MUC5B: variants seen among roughly 807,000 people sequenced by gnomAD.
MUC5B encodes the protein mucin-5B.
A neutral mutation model predicts 376.9 loss-of-function variants in MUC5B; 116 were observed. The ratio of observed to expected loss-of-function variants is 0.31; its 90% CI spans 0.26 to 0.36. The LOEUF is 0.36. MUC5B is among the 10% of genes least tolerant of loss of function. The pLI is 1.00. For synonymous variants in MUC5B, 3,517 were observed against 3,390.9 expected, an observed-to-expected ratio of 1.04 and a Z score of -1.29; for missense variants, 7,165 against 7,769.9, an observed-to-expected ratio of 0.92 and a Z score of 2.93.
In MUC5B at chr11:1,252,341, A is replaced by G. The variant is rs1590189784; in HGVS notation, c.14864-2A>G. The G allele has an allele frequency of 6.5e-7, 1 of 1,544,646 alleles. No homozygotes were observed. The highest frequency in any genetic ancestry group is 8.7e-7 in the Non-Finnish European group (1 of 1,144,082). ...ATCTTTCTATGGTGTTGTTCTTCACAGGGGAAGTCATCTACAATAAGACCG... is the reference window on the plus strand; with the variant it reads ...ATCTTTCTATGGTGTTGTTCTTCACGGGGGAAGTCATCTACAATAAGACCG... On this transcript the variant is annotated splice_acceptor_variant, in intron 31 of 48. Transcript: ENST00000529681. LOFTEE classifies it high-confidence loss of function.
intron 9 of MUC5B, 86 bp from the exon 10 acceptor site, chr11:1,229,604 G>A: frequency 8.3e-7 from 1 of 1,206,062 alleles, no homozygotes; most frequent in Non-Finnish European, 1.2e-6. Context: ...CTCCCCAAGG[G>A]AGGCAGCTTG....
At position 1,241,110 on chromosome 11, in the gene MUC5B, C is replaced by T; in HGVS notation, c.4230C>T (p.Ser1410=). 2 of 1,612,108 alleles carry T rather than the reference C, an allele frequency of 1.2e-6. No individual in the cohort carries two copies. The highest frequency in any genetic ancestry group is 1.7e-6 in the Non-Finnish European group (2 of 1,179,230). The stretch of plus-strand genomic sequence containing the variant: ...TGCGGGGGCTGATGTGCGCCAACAG[C>T]CAACAGAGTCCCCCGCTCTGTCACG... ...DRMRGLMCAN[S]QQSPPLCHDY... is the part of the protein sequence containing the mutation. The change falls in exon 31 of 49, where the codon AGC becomes AGT. Residue 1410 remains serine (S), a synonymous_variant. Coordinates refer to ENST00000529681, the MANE Select transcript of MUC5B (RefSeq NM_002458.3).
rs927073939 is a variant in MUC5B at position 1,251,105 on chromosome 11, C to T, written c.14225C>T (p.Ala4742Val). The T allele has an allele frequency of 9.3e-6, 15 of 1,611,272 alleles. No homozygotes were observed. Among genetic ancestry groups the T allele is most frequent in the African/African-American group, 1.3e-5 (1 of 74,708 alleles). The change falls in exon 31 of 49, where the codon GCC becomes GTC. Residue 4742 changes from alanine to valine, a missense_variant. By Grantham distance (64) the Ala-to-Val change is moderately conservative. Around this residue, in one of 31 missense-constraint regions of MUC5B, gnomAD observed 730 missense variants for 592.7 expected, o/e 1.23. Transcript: ENST00000529681. ...ACCCTTCCAGTGCTGACAAGCACAG[C>T]CACAAAATCCACAGCTACCAGCTTT... ...ATTLPVLTST[A>V]TKSTATSFTP...
At chr11:1,256,816 C>G in intron 39 of MUC5B, 45 bp downstream of exon 39, 1 of 1,447,550 alleles carries the variant, frequency 6.9e-7, no homozygotes. Flanking sequence ...GGGCCCGACC[C>G]AAGCACACAC....
In MUC5B at chr11:1,248,038, T is replaced by A. The variant is rs1286060127; in HGVS notation, c.11158T>A (p.Trp3720Arg). Residue 3720 changes from tryptophan to arginine, a missense_variant, in exon 31 of 49, where the codon TGG becomes AGG. Trp to Arg is a moderately radical substitution (Grantham distance 101, BLOSUM62 -3). Transcript: ENST00000529681. ...CCCGTCCTCCACCCCAGGGACCACC[T>A]GGATCCTCACAGAGCCGAGCACTAC... ...ATPSSTPGTT[W>R]ILTEPSTTAT... The A allele has an allele frequency of 1.2e-6, 2 of 1,600,428 alleles. No homozygotes were observed. The highest frequency in any genetic ancestry group is 1.7e-6 in the Non-Finnish European group (2 of 1,174,506).
intron 46 of MUC5B, 102 bp from the exon 47 acceptor site, chr11:1,260,249 C>A: frequency 1.4e-6 from 2 of 1,388,372 alleles, no homozygotes; most frequent in Non-Finnish European, 1.0e-6. Context: ...CGCCCCTGCC[C>A]GGGAGGCCAT....
At position 1,246,381 on chromosome 11, in the gene MUC5B, C is replaced by G. The variant is rs202123454; in HGVS notation, c.9501C>G (p.Pro3167=). ...GGACCACCTGGATCCTCACAGAGCC[C>G]AGCACTACAGCCACCGTGACGGTGC... The part of the protein sequence containing the change: ...TPGTTWILTE[P]STTATVTVPT... The change falls in exon 31 of 49, where the codon CCC becomes CCG. Residue 3167 remains proline (P), a synonymous_variant. Coordinates refer to ENST00000529681, the MANE Select transcript of MUC5B (RefSeq NM_002458.3). 0.012 allele frequency: 18,700 copies of G among 1,563,752 alleles called. No homozygotes were observed. The highest frequency in any genetic ancestry group is 0.011 in the Non-Finnish European group (12,169 of 1,135,390).
At position 1,257,751 on chromosome 11, in the gene MUC5B, G is replaced by C; in HGVS notation, c.16450+41G>C. The C allele has an allele frequency of 6.6e-7, 1 of 1,510,168 alleles. No homozygotes were observed. The highest frequency in any genetic ancestry group is 8.8e-7 in the Non-Finnish European group (1 of 1,131,094). 93.5% of individuals were successfully genotyped at this position (1,510,168 alleles called of 1,614,324 possible). On this transcript the variant is annotated intron_variant, in intron 41 of 48. Coordinates refer to ENST00000529681, the MANE Select transcript of MUC5B (RefSeq NM_002458.3). This position sits in a 1 kb window ranked among gnomAD's most constrained non-coding sequence, Gnocchi z 8.9. ...GCAGAGGTGCCCGGCATAGGGTGAG[G>C]GGGGACAGAGCCGGTGCCCACCAGG... is the stretch of plus-strand genomic sequence containing the variant.
Position 1,246,439 on chromosome 11 carries a change from C to A in MUC5B, c.9559C>A (p.Arg3187=), listed in dbSNP as rs772157815. 6 of 1,613,554 alleles carry A rather than the reference C, an allele frequency of 3.7e-6. No homozygotes were observed. Among genetic ancestry groups the A allele is most frequent in the Non-Finnish European group, 5.1e-6 (6 of 1,179,774 alleles). The change falls in exon 31 of 49, where the codon CGG becomes AGG. Residue 3187 remains arginine (R), a synonymous_variant. Coordinates refer to ENST00000529681, the MANE Select transcript of MUC5B (RefSeq NM_002458.3). ...TGSTATASST[R]ATAGTLKVLT... ...ATCCACGGCCACCGCCTCCTCCACC[C>A]GGGCAACTGCTGGCACCCTCAAAGT...
rs1474885862 is a variant in MUC5B at position 1,256,652 on chromosome 11, C to T, written c.16137-19C>T. 2 of 1,546,852 alleles carry T rather than the reference C, an allele frequency of 1.3e-6. No individual in the cohort carries two copies. The highest frequency in any genetic ancestry group is 4.0e-5 in the Admixed American group (2 of 49,620). ...CTCCTGGATCTCTAGGTCTCAGGGC[C>T]TCTCTTGTCATCCTGCAGGAACCAG... On this transcript the variant is annotated intron_variant, in intron 38 of 48. Coordinates refer to ENST00000529681, the MANE Select transcript of MUC5B (RefSeq NM_002458.3).
In MUC5B at chr11:1,241,730, A is replaced by G. The variant is rs911859799; in HGVS notation, c.4850A>G (p.Glu1617Gly). The G allele has an allele frequency of 1.2e-6, 2 of 1,612,278 alleles. No homozygotes were observed. The highest frequency in any genetic ancestry group is 1.7e-6 in the Non-Finnish European group (2 of 1,179,630). Reference sequence around the variant, plus strand: ...ACCCCGCCACCGACCACAGAGCTGGAGACGGCCACCACCACCACCACCCAG... The same window carrying G: ...ACCCCGCCACCGACCACAGAGCTGGGGACGGCCACCACCACCACCACCCAG... Reference protein sequence around the residue: ...ATTPPPTTELETATTTTTQAL... With the variant: ...ATTPPPTTELGTATTTTTQAL... Residue 1617 changes from glutamate to glycine, a missense_variant, in exon 31 of 49, where the codon GAG (glutamate) becomes GGG (glycine). Physicochemically the swap from Glu to Gly is moderately conservative, Grantham distance 98. This residue lies in a region of MUC5B where 897 missense variants were observed against 779.6 expected (regional missense o/e 1.15). Coordinates refer to ENST00000529681, the MANE Select transcript of MUC5B (RefSeq NM_002458.3).
intron 3 of MUC5B, 24 bp from the exon 4 acceptor site, chr11:1,226,591 G>A: frequency 6.3e-7 from 1 of 1,595,236 alleles, no homozygotes; most frequent in Non-Finnish European, 8.5e-7. Flanking sequence ...CATGGGGATG[G>A]GCCTCATCCC....
chr11:1,259,255 C>A (rs1456438108), intron 44 of MUC5B, among the ~76,000 whole-genome samples, 194 bp downstream of exon 44: 4 of 145,394 alleles, frequency 2.8e-5, no homozygotes, highest in Non-Finnish European at 4.5e-5. Context: ...AGGTGAGACC[C>A]GAGGCACCTG....
intron 46 of MUC5B, 67 bp from the exon 47 acceptor site, chr11:1,260,284 C>G (rs927492644): frequency 1.3e-6 from 2 of 1,541,946 alleles, no homozygotes; most frequent in South Asian, 2.3e-5. Context: ...GGGCCCCTCC[C>G]CAGGAGGCCG....
At chr11:1,260,573 G>T in intron 47 of MUC5B, 53 bp from the exon 48 acceptor site, 1 of 1,528,034 alleles carries the variant, frequency 6.5e-7, no homozygotes, top group East Asian at 2.3e-5. Flanking sequence ...GCAAGTCCAG[G>T]CCCTCAGAGT....
At position 1,248,882 on chromosome 11, in the gene MUC5B, C is replaced by A. The variant is rs770055612; in HGVS notation, c.12002C>A (p.Thr4001Lys). The A allele has an allele frequency of 4.5e-5, 70 of 1,550,012 alleles. No individual in the cohort carries two copies. Among genetic ancestry groups the A allele is most frequent in the Admixed American group, 2.2e-4 (11 of 50,972 alleles). ...TPSSALGTTH[T>K]PPVPNTTATT... ...TCCTCTGCCCTAGGGACCACCCACA[C>A]ACCCCCAGTGCCGAACACCACGGCC... Residue 4001 changes from threonine to lysine, a missense_variant, in exon 31 of 49, where the codon ACA (threonine) becomes AAA (lysine). Around this residue, in one of 31 missense-constraint regions of MUC5B, gnomAD observed 47 missense variants for 98.5 expected, o/e 0.48. Transcript: ENST00000529681.
rs773359535 is a variant in MUC5B at position 1,236,523 on chromosome 11, G to A, written c.3018G>A (p.Arg1006=). 5 of 1,612,920 alleles carry A rather than the reference G, an allele frequency of 3.1e-6. No individual in the cohort carries two copies. The highest frequency in any genetic ancestry group is 3.4e-6 in the Non-Finnish European group (4 of 1,179,848). The part of the protein sequence containing the change: ...ETHGMAVSWD[R]KTSVFIRLHQ... ...ACGGGATGGCCGTGTCCTGGGACCGGAAGACCAGCGTGTTCATCCGACTGC... is the reference window on the plus strand; with the variant it reads ...ACGGGATGGCCGTGTCCTGGGACCGAAAGACCAGCGTGTTCATCCGACTGC... Residue 1006 remains arginine, a synonymous_variant, in exon 24 of 49, where the codon CGG becomes CGA. Coordinates refer to ENST00000529681, the MANE Select transcript of MUC5B (RefSeq NM_002458.3).
Position 1,240,239 on chromosome 11 carries a change from C to A in MUC5B, c.3834C>A (p.Thr1278=). 4 of 1,613,560 alleles carry A rather than the reference C, an allele frequency of 2.5e-6. No individual in the cohort carries two copies. Among genetic ancestry groups the A allele is most frequent in the Non-Finnish European group, 3.4e-6 (4 of 1,179,606 alleles). Residue 1278 remains threonine, a synonymous_variant, in exon 30 of 49, where the codon ACC becomes ACA. Coordinates refer to ENST00000529681, the MANE Select transcript of MUC5B (RefSeq NM_002458.3). ...ACCAGGACGTCATCTACAACACCAC[C>A]GATGGGCTTGGCGCCTGCTTGATCG... ...YSYQDVIYNT[T]DGLGACLIAI...
At chr11:1,226,573 G>A (rs780418910) in intron 3 of MUC5B, 42 bp from the exon 4 acceptor site, 173 of 1,579,698 alleles carry the variant, frequency 1.1e-4, no homozygotes, top group Non-Finnish European at 1.4e-4. Context: ...TACCCCGTGG[G>A]GGGCTGGCAT....
Sources: gnomAD v4.1 joint callset for allele counts (sites outside exome capture counted in the v4.1 genomes callset) on GRCh38, gnomAD v4.1.1 for gene constraint, gnomAD v4.1.1 regional missense constraint, Gnocchi (gnomAD v3.1) non-coding constraint, MANE v1.5 for transcripts, NCBI Gene and HGNC (gene_info 2026-07-23, HGNC 2026-07-21) for gene names.